KCNK1: variants seen among roughly 807,000 people sequenced by gnomAD.
KCNK1 encodes potassium two pore domain channel subfamily K member 1, also known as potassium channel subfamily K member 1.
In KCNK1, 10 loss-of-function variants were observed where a neutral mutation model predicts 22.2. The ratio of observed to expected loss-of-function variants is 0.45; its 90% CI spans 0.28 to 0.76. The LOEUF (loss-of-function observed/expected upper bound fraction) is 0.76. KCNK1 is among the 30% of genes least tolerant of loss of function. The probability of loss-of-function intolerance (pLI) is 0.14; values close to 1 mark genes in which losing one functional copy is unlikely to be tolerated. For synonymous variants in KCNK1, 200 were observed against 186.4 expected (o/e 1.07, Z -0.60); for missense variants, 378 against 421.0 (o/e 0.90, Z 0.89).
chr1:233,640,197 C>A (rs1003956978), intron 1 of KCNK1, among the ~76,000 whole-genome samples: 2 of 152,012 alleles, frequency 1.3e-5, no homozygotes, highest in Non-Finnish European at 2.9e-5. Flanking sequence ...AAACATATTC[C>A]TCTGAGAATT....
At chr1:233,625,452 G>A (rs111962865) in intron 1 of KCNK1, among the ~76,000 whole-genome samples, 6 of 152,316 alleles carry the variant, frequency 3.9e-5, no homozygotes, top group African/African-American at 1.4e-4. Flanking sequence ...CCACCTTGGG[G>A]AAGAGGTATT....
In KCNK1 at chr1:233,616,021, T is replaced by A. The variant is rs529824018; in HGVS notation, c.355+1495T>A. Among the ~76,000 whole-genome samples the A allele has an allele frequency of 1.4e-3, 211 of 152,202 alleles. 4 individuals are homozygous for A. Among genetic ancestry groups the A allele is most frequent in the Non-Finnish European group, 1.6e-3 (107 of 68,026 alleles). ...CAAAGAATGCCTGTTCCCTTGCCAA[T>A]ACAATTTAATTTTTCTTTCCATAAC... On this transcript the variant is annotated intron_variant, in intron 1 of 2. Coordinates refer to ENST00000366621, the MANE Select transcript of KCNK1 (RefSeq NM_002245.4).
intron 1 of KCNK1, among the ~76,000 whole-genome samples, chr1:233,626,447 G>A (rs913387138): frequency 4.6e-5 from 7 of 152,124 alleles, no homozygotes; most frequent in South Asian, 2.1e-4. Flanking sequence ...CTAATGGGGC[G>A]TGATGAGGGC....
chr1:233,641,931 A>G (rs1658006104), intron 1 of KCNK1, among the ~76,000 whole-genome samples: 1 of 152,218 alleles, frequency 6.6e-6, no homozygotes, highest in Admixed American at 6.5e-5. Flanking sequence ...CAGGGCAGAT[A>G]AAAATTAGTG....
At chr1:233,662,511 G>A (rs1187242025) in intron 1 of KCNK1, among the ~76,000 whole-genome samples, 3 of 152,156 alleles carry the variant, frequency 2.0e-5, no homozygotes, top group Admixed American at 1.3e-4. Context: ...GCCCAGAAAG[G>A]TTCTCTGTCT....
Position 233,669,211 on chromosome 1 carries a change from T to C in KCNK1, c.752-2060T>C, listed in dbSNP as rs546696182. On this transcript the variant is annotated intron_variant, in intron 2 of 2. Transcript: ENST00000366621. ...ATTGTTTTGTTTTATTTTATTTTATTCTGTGACTTGGAAAGTAGAATGTTT... is the reference window on the plus strand; with the variant it reads ...ATTGTTTTGTTTTATTTTATTTTATCCTGTGACTTGGAAAGTAGAATGTTT... Among the ~76,000 whole-genome samples, 39 of 152,342 alleles carry C rather than the reference T, an allele frequency of 2.6e-4. 1 individual carries two copies. The South Asian group carries it at 7.7e-3, about 30-fold the overall frequency.
intron 1 of KCNK1, among the ~76,000 whole-genome samples, chr1:233,645,606 T>G (rs1658080238): frequency 6.6e-6 from 1 of 152,224 alleles, no homozygotes; most frequent in African/African-American, 2.4e-5. Flanking sequence ...TGCTAATACC[T>G]TGATTTCAGA....
In KCNK1 at chr1:233,636,160, G is replaced by C. The variant is rs187457931; in HGVS notation, c.355+21634G>C. ...GAGTCAGATCATGTAGGACCTTATG[G>C]GCCCTGATAAGGATGTTAGGTTTTG... On this transcript the variant is annotated intron_variant, in intron 1 of 2. Coordinates refer to ENST00000366621, the MANE Select transcript of KCNK1 (RefSeq NM_002245.4). Among the ~76,000 whole-genome samples, 4 of 152,310 alleles carry C rather than the reference G, an allele frequency of 2.6e-5. No homozygotes were observed. The East Asian group carries it at 7.7e-4, about 29-fold the overall frequency.
At chr1:233,632,694 G>A (rs1657825218) in intron 1 of KCNK1, among the ~76,000 whole-genome samples, 1 of 152,080 alleles carries the variant, frequency 6.6e-6, no homozygotes, top group Non-Finnish European at 1.5e-5. Flanking sequence ...TGGTGCTTCT[G>A]CTGTCCACTC....
chr1:233,631,672 C>T (rs1235199183), intron 1 of KCNK1, among the ~76,000 whole-genome samples: 1 of 152,124 alleles, frequency 6.6e-6, no homozygotes, highest in African/African-American at 2.4e-5. Context: ...TAAGTGTTTC[C>T]ATTCTCCACT....
intron 1 of KCNK1, among the ~76,000 whole-genome samples, chr1:233,634,216 G>GA (rs1657856706): frequency 6.6e-6 from 1 of 151,278 alleles, no homozygotes; most frequent in Non-Finnish European, 1.5e-5. Context: ...TGAGGCAGGA[G>GA]AATTGCTTGA....
intron 1 of KCNK1, chr1:233,630,670 T>G (rs763412557): frequency 1.3e-5 from 2 of 152,392 alleles, no homozygotes; most frequent in Non-Finnish European, 2.9e-5. Flanking sequence ...TTGCGAAGTC[T>G]TCTTTTCCTT....
At chr1:233,639,109 T>C (rs1377094793) in intron 1 of KCNK1, among the ~76,000 whole-genome samples, 1 of 152,166 alleles carries the variant, frequency 6.6e-6, no homozygotes, top group Non-Finnish European at 1.5e-5. Context: ...GATGAATATA[T>C]AGGGCTTGAG....
intron 1 of KCNK1, among the ~76,000 whole-genome samples, chr1:233,642,935 AT>A (rs11459973): frequency 0.028 from 3,736 of 133,084 alleles, 94 homozygotes; most frequent in African/African-American, 0.075. Context: ...CACCCGGCTA[AT>A]TTTTTTTTTT....
chr1:233,638,399 A>G (rs1417606307), intron 1 of KCNK1, among the ~76,000 whole-genome samples: 1 of 147,468 alleles, frequency 6.8e-6, no homozygotes, highest in Admixed American at 7.0e-5. Context: ...TTGTTTTTTG[A>G]TGACCAATAC....
chr1:233,628,650 C>T (rs1000125682), intron 1 of KCNK1, among the ~76,000 whole-genome samples: 2 of 151,774 alleles, frequency 1.3e-5, no homozygotes, highest in Non-Finnish European at 2.9e-5. Flanking sequence ...ATCCCAGCTA[C>T]TTGGGAGGCT....
chr1:233,648,445 T>G (rs909012981), intron 1 of KCNK1, among the ~76,000 whole-genome samples: 1 of 152,212 alleles, frequency 6.6e-6, no homozygotes, highest in Non-Finnish European at 1.5e-5. Context: ...CACTTTCTTT[T>G]TATTTTTTTC....
At chr1:233,643,082 C>G (rs1658029787) in intron 1 of KCNK1, among the ~76,000 whole-genome samples, 1 of 151,774 alleles carries the variant, frequency 6.6e-6, no homozygotes, top group Non-Finnish European at 1.5e-5. Context: ...TGCCCAGCCT[C>G]TTGGTGCCAT....
chr1:233,665,816 A>C (rs1212093535), intron 1 of KCNK1, among the ~76,000 whole-genome samples: 1 of 152,252 alleles, frequency 6.6e-6, no homozygotes, highest in Non-Finnish European at 1.5e-5. Context: ...GCGAGGACTG[A>C]TAGTGACAGA....
Sources: gnomAD v4.1 joint callset for allele counts (sites outside exome capture counted in the v4.1 genomes callset) on GRCh38, gnomAD v4.1.1 for gene constraint, MANE v1.5 for transcripts, NCBI Gene and HGNC (gene_info 2026-07-23, HGNC 2026-07-21) for gene names.